Variants in ABCC4 observed in about 807,000 individuals in gnomAD.
The protein encoded by ABCC4 is ATP-binding cassette sub-family C member 4.
A neutral mutation model predicts 168.5 loss-of-function variants in ABCC4; 102 were observed. That is an observed-to-expected ratio of 0.61 (90% CI 0.52 to 0.71). ABCC4 has a LOEUF of 0.71. Ranked by LOEUF, ABCC4 falls within the 30% of genes least tolerant of loss-of-function variation. ABCC4 has a pLI of 0.00. For synonymous variants in ABCC4, 617 were observed against 590.7 expected (o/e 1.04, Z -0.65); for missense variants, 1,402 against 1,605.8 (o/e 0.87, Z 2.17).
intron 19 of ABCC4, among the ~76,000 whole-genome samples, chr13:95,127,972 C>T (rs2035841237): frequency 6.6e-6 from 1 of 152,058 alleles, no homozygotes; most frequent in Non-Finnish European, 1.5e-5. Context: ...CTATGAGTTG[C>T]CAAAACATTT....
chr13:95,180,241 C>G (rs899588730), intron 11 of ABCC4, among the ~76,000 whole-genome samples: 89 of 152,146 alleles, frequency 5.8e-4, no homozygotes, highest in African/African-American at 2.0e-3. Flanking sequence ...TACACTATCT[C>G]TTCCTTTCAG....
chr13:95,132,927 G>A (rs886448750), intron 19 of ABCC4, among the ~76,000 whole-genome samples: 5 of 151,952 alleles, frequency 3.3e-5, no homozygotes, highest in African/African-American at 9.7e-5. Context: ...GGGGTGGTGG[G>A]GAGTTAGTGT....
chr13:95,107,210 T>C (rs1023236148), intron 20 of ABCC4, among the ~76,000 whole-genome samples: 26 of 152,174 alleles, frequency 1.7e-4, no homozygotes, highest in Admixed American at 5.2e-4. Context: ...TGAGCCGAGA[T>C]GGCACCATTG....
At chr13:95,190,704 T>C (rs1471078513) in intron 9 of ABCC4, among the ~76,000 whole-genome samples, 1 of 152,198 alleles carries the variant, frequency 6.6e-6, no homozygotes, top group African/African-American at 2.4e-5. Flanking sequence ...CAAAAATTGA[T>C]ACTGTTAAGT....
At chr13:95,164,245 C>A in intron 16 of ABCC4, 133 bp downstream of exon 16, 4 of 1,075,108 alleles carry the variant, frequency 3.7e-6, no homozygotes, top group Admixed American at 4.5e-5. Flanking sequence ...CAGTAGGCAG[C>A]CCTCACTTTG....
At chr13:95,084,350 T>C (rs529208450) in intron 20 of ABCC4, among the ~76,000 whole-genome samples, 34 of 152,364 alleles carry the variant, frequency 2.2e-4, no homozygotes, top group Non-Finnish European at 2.5e-4. Flanking sequence ...GTCCCCAGCA[T>C]ACGGCTAGCT....
In ABCC4 at chr13:95,073,194, T is replaced by G; in HGVS notation, c.3018+10A>C. On this transcript the variant is annotated intron_variant, in intron 24 of 30. Transcript: ENST00000645237. ...ATTGAAAAGGCAAAGAACGTGAAGG[T>G]AAATATTACCATATTCTCAACTTCA... The G allele has an allele frequency of 6.2e-7, 1 of 1,604,744 alleles. No individual in the cohort carries two copies. The highest frequency in any genetic ancestry group is 1.1e-5 in the South Asian group (1 of 90,658).
At chr13:95,034,448 C>A (rs1011696856) in intron 30 of ABCC4, among the ~76,000 whole-genome samples, 157 bp downstream of exon 30, 1 of 152,206 alleles carries the variant, frequency 6.6e-6, no homozygotes, top group Non-Finnish European at 1.5e-5. Flanking sequence ...TTACTTCAAC[C>A]CGGGACGTGC....
chr13:95,137,046 T>C (rs532922504), intron 19 of ABCC4, among the ~76,000 whole-genome samples: 9 of 152,240 alleles, frequency 5.9e-5, no homozygotes, highest in Non-Finnish European at 1.3e-4. Context: ...GGCATAAAGG[T>C]AGATAGGGCC....
intron 11 of ABCC4, 47 bp from the exon 12 acceptor site, chr13:95,178,138 G>A: frequency 6.6e-7 from 1 of 1,525,242 alleles, no homozygotes; most frequent in Non-Finnish European, 9.1e-7. Context: ...CTTAAAACAT[G>A]TTCTTCCTCT....
intron 20 of ABCC4, among the ~76,000 whole-genome samples, chr13:95,085,986 C>T (rs2034243491): frequency 7.1e-6 from 1 of 140,898 alleles, no homozygotes; most frequent in East Asian, 2.0e-4. Context: ...CTGCAAGATA[C>T]TATATCCTAC....
intron 19 of ABCC4, among the ~76,000 whole-genome samples, chr13:95,149,405 G>C (rs2036601733): frequency 6.6e-6 from 1 of 152,134 alleles, no homozygotes; most frequent in African/African-American, 2.4e-5. Context: ...AGTATATAGA[G>C]AAGATTTATA....
chr13:95,073,562 C>A, intron 23 of ABCC4: 1 of 290,322 alleles, frequency 3.4e-6, no homozygotes, highest in Non-Finnish European at 6.3e-6. Context: ...GTATTACAAA[C>A]GCAAGAAATA....
At chr13:95,295,155 T>C (rs569507989) in intron 1 of ABCC4, among the ~76,000 whole-genome samples, 1 of 151,992 alleles carries the variant, frequency 6.6e-6, no homozygotes, top group East Asian at 1.9e-4. Flanking sequence ...AACCAGGAAA[T>C]AATGCTTTAA....
At chr13:95,056,552 A>G (rs1264348289) in intron 26 of ABCC4, among the ~76,000 whole-genome samples, 1 of 152,210 alleles carries the variant, frequency 6.6e-6, no homozygotes, top group African/African-American at 2.4e-5. Flanking sequence ...TGCAGAAACA[A>G]AGGACTGACT....
At chr13:95,121,430 T>TG (rs2035566151) in intron 19 of ABCC4, among the ~76,000 whole-genome samples, 3 of 139,476 alleles carry the variant, frequency 2.2e-5, no homozygotes, top group Admixed American at 7.1e-5. Context: ...GGTTTTTTTT[T>TG]GTTTTTTTTT....
intron 9 of ABCC4, among the ~76,000 whole-genome samples, chr13:95,189,476 TTC>T (rs2038188159): frequency 2.6e-5 from 4 of 152,186 alleles, no homozygotes; most frequent in African/African-American, 9.7e-5. Context: ...TAAATTTTCA[TTC>T]TGTCCCTTGG....
intron 1 of ABCC4, among the ~76,000 whole-genome samples, chr13:95,268,416 C>T (rs1176888408): frequency 1.3e-5 from 2 of 152,040 alleles, no homozygotes; most frequent in Admixed American, 6.6e-5. Context: ...AAAGACCTGA[C>T]CGTACCCCTG....
chr13:95,077,699 G>A (rs1305451489), intron 21 of ABCC4, among the ~76,000 whole-genome samples: 5 of 150,576 alleles, frequency 3.3e-5, no homozygotes, highest in African/African-American at 1.2e-4. Context: ...TAGGGTGGGG[G>A]TAAGGGGCGG....
Sources: allele counts gnomAD v4.1 joint callset (sites outside exome capture counted in the v4.1 genomes callset), GRCh38; gene constraint gnomAD v4.1.1; transcripts MANE v1.5; gene names NCBI Gene and HGNC (gene_info 2026-07-23, HGNC 2026-07-21).